Variants in ADAM17 observed in about 807,000 individuals in gnomAD.
ADAM17 encodes ADAM metallopeptidase domain 17.
A neutral mutation model predicts 96.7 loss-of-function variants in ADAM17; 39 were observed. The ratio of observed to expected loss-of-function variants is 0.40; its 90% CI spans 0.31 to 0.53. The LOEUF is 0.53. ADAM17 is among the 20% of genes least tolerant of loss of function. ADAM17 has a pLI of 0.44. For missense variants in ADAM17, 777 were observed against 1,013.2 expected, an observed-to-expected ratio of 0.77 and a Z score of 3.17; for synonymous variants, 344 against 359.2, an observed-to-expected ratio of 0.96 and a Z score of 0.48.
chr2:9,550,541 G>A (rs1265167744), intron 1 of ADAM17, among the ~76,000 whole-genome samples: 2 of 148,512 alleles, frequency 1.3e-5, no homozygotes, highest in Non-Finnish European at 3.0e-5. Context: ...TGCCTCCCGG[G>A]TTCAAGCAAT....
chr2:9,531,490 C>T (rs1274090299), intron 4 of ADAM17, among the ~76,000 whole-genome samples: 1 of 151,828 alleles, frequency 6.6e-6, no homozygotes, highest in Non-Finnish European at 1.5e-5. Flanking sequence ...TCACCTGAGA[C>T]CAGGAGTTCA....
In ADAM17 at chr2:9,518,259, CAA is replaced by C. The variant is rs34863481; in HGVS notation, c.958-14_958-13del. On this transcript the variant is annotated splice_polypyrimidine_tract_variant and intron_variant, in intron 8 of 18. Coordinates refer to ENST00000310823, the MANE Select transcript of ADAM17 (RefSeq NM_003183.6). ...TCAAAGCTAAATTGCTTTGAAAGAC[CAA>C]AAAAAAAAAAAAAAAAAAAAGCATT... The C allele has an allele frequency of 0.062, 48,573 of 787,052 alleles. 1 individual carries two copies. The highest frequency in any genetic ancestry group is 0.12 in the East Asian group (2,052 of 17,286). 48.8% of individuals were successfully genotyped at this position (787,052 alleles called of 1,614,324 possible). A position where few individuals can be genotyped will look rare whatever the true frequency, so the allele number is the denominator to read the frequency against.
intron 10 of ADAM17, among the ~76,000 whole-genome samples, chr2:9,513,307 T>C (rs1402448772): frequency 6.6e-6 from 1 of 152,196 alleles, no homozygotes; most frequent in African/African-American, 2.4e-5. Context: ...TTGTATCCTT[T>C]AAAATATCCT....
At chr2:9,523,899 A>C (rs1179165817) in intron 6 of ADAM17, among the ~76,000 whole-genome samples, 1 of 151,294 alleles carries the variant, frequency 6.6e-6, no homozygotes, top group East Asian at 1.9e-4. Context: ...TTCAAGAGAC[A>C]AGGTCTTGCT....
chr2:9,532,611 A>ACAGGCATG (rs1363332353), intron 4 of ADAM17, among the ~76,000 whole-genome samples: 2 of 150,278 alleles, frequency 1.3e-5, no homozygotes, highest in Non-Finnish European at 3.0e-5. Context: ...AGCTGAGACC[A>ACAGGCATG]CAGGCATGTG....
At chr2:9,496,919 AG>A (rs1199660529) in intron 14 of ADAM17, among the ~76,000 whole-genome samples, 194 bp downstream of exon 14, 1 of 152,220 alleles carries the variant, frequency 6.6e-6, no homozygotes, top group African/African-American at 2.4e-5. Flanking sequence ...CCAACAGGAT[AG>A]GTCTCCCAGG....
At position 9,492,994 on chromosome 2, in the gene ADAM17, C is replaced by T. The variant is rs968011209; in HGVS notation, c.1994-8G>A. ...TGTCTGCTAAAAACTTTCCTGTGAA[C>T]AATTCCAAACAGTTAATGTCTTGAC... On this transcript the variant is annotated splice_polypyrimidine_tract_variant and splice_region_variant and intron_variant, in intron 16 of 18. Coordinates refer to ENST00000310823, the MANE Select transcript of ADAM17 (RefSeq NM_003183.6). The T allele has an allele frequency of 8.7e-6, 14 of 1,602,904 alleles. No individual in the cohort carries two copies. The highest frequency in any genetic ancestry group is 1.2e-5 in the Non-Finnish European group (14 of 1,173,424).
At chr2:9,531,265 T>C (rs1418044261) in intron 4 of ADAM17, among the ~76,000 whole-genome samples, 1 of 151,528 alleles carries the variant, frequency 6.6e-6, no homozygotes, top group Non-Finnish European at 1.5e-5. Flanking sequence ...CTGAACATTT[T>C]TAAAACTAGA....
chr2:9,514,272 C>A (rs910106067), intron 10 of ADAM17, among the ~76,000 whole-genome samples: 17 of 143,768 alleles, frequency 1.2e-4, no homozygotes, highest in African/African-American at 4.4e-4. Context: ...AAGCCAAACA[C>A]CGCATGTTCT....
At position 9,504,243 on chromosome 2, in the gene ADAM17, G is replaced by C. The variant is rs549103856; in HGVS notation, c.1544+923C>G. Among the ~76,000 whole-genome samples, 7 of 151,700 alleles carry C rather than the reference G, an allele frequency of 4.6e-5. No individual in the cohort carries two copies. The South Asian group carries it at 1.5e-3, about 32-fold the overall frequency. On this transcript the variant is annotated intron_variant, in intron 12 of 18. Coordinates refer to ENST00000310823, the MANE Select transcript of ADAM17 (RefSeq NM_003183.6). ...GGGCAGATCATGAAGTCAGGAGATC[G>C]AGACCATCCTGGCCAACATGCTAAA... is the stretch of plus-strand genomic sequence containing the variant.
Position 9,505,355 on chromosome 2 carries a change from T to G in ADAM17, c.1355A>C (p.Asn452Thr), listed in dbSNP as rs748334117. 1 of 1,613,994 alleles carries G rather than the reference T, an allele frequency of 6.2e-7. No individual in the cohort carries two copies. The highest frequency in any genetic ancestry group is 1.3e-5 in the African/African-American group (1 of 75,024). Reference protein sequence around the residue: ...GDHENNKMFSNCSKQSIYKTI... With the variant: ...GDHENNKMFSTCSKQSIYKTI... The stretch of plus-strand genomic sequence containing the variant: ...CTTATAGATTGATTGTTTACTGCAG[T>G]TTGAAAACATCTTGAGAGAAAAAAG... Residue 452 changes from asparagine (N) to threonine (T), a missense_variant, in exon 12 of 19, where the codon AAC (asparagine) becomes ACC (threonine). Asn to Thr is a moderately conservative substitution (Grantham distance 65). Coordinates refer to ENST00000310823, the MANE Select transcript of ADAM17 (RefSeq NM_003183.6).
At chr2:9,515,398 T>C (rs990074911) in intron 10 of ADAM17, among the ~76,000 whole-genome samples, 2 of 152,162 alleles carry the variant, frequency 1.3e-5, no homozygotes. Flanking sequence ...CTAAAGGATA[T>C]CTTGGTTGCT....
Position 9,488,830 on chromosome 2 carries a change from AG to A in ADAM17, c.*1346del, listed in dbSNP as rs1661817487. On this transcript the variant is annotated 3_prime_UTR_variant, in exon 19 of 19. Transcript: ENST00000310823. ...ATGGGGGGTAGGAGGAGATATGATTAGTCACAGGTTTGGTTAACTGCCCTCA... is the reference window on the plus strand; with the variant it reads ...ATGGGGGGTAGGAGGAGATATGATTATCACAGGTTTGGTTAACTGCCCTCA... 6.6e-6 allele frequency: 1 copy of A among 152,262 alleles called. No individual in the cohort carries two copies. The highest frequency in any genetic ancestry group is 2.4e-5 in the African/African-American group (1 of 41,460). The allele number at this position is 152,262 out of a possible 1,614,324, so 9.4% of individuals were successfully genotyped here. A position where few individuals can be genotyped will look rare whatever the true frequency, so the allele number is the denominator to read the frequency against.
intron 1 of ADAM17, 66 bp from the exon 2 acceptor site, chr2:9,543,351 G>T: frequency 7.5e-7 from 1 of 1,332,522 alleles, no homozygotes; most frequent in Non-Finnish European, 9.9e-7. Flanking sequence ...TCGTTAAAAT[G>T]AGAGTGCCAG....
rs374025261 is a variant in ADAM17, at chr2:9,514,625, A to G, written c.1191+3276T>C. On this transcript the variant is annotated intron_variant, in intron 10 of 18. Transcript: ENST00000310823. ...ACGGTGGCTCACGCCTGTAATTCCAACACTTTGGGAGGCCAAGGCGGGCAG... is the reference window on the plus strand; with the variant it reads ...ACGGTGGCTCACGCCTGTAATTCCAGCACTTTGGGAGGCCAAGGCGGGCAG... Among the ~76,000 whole-genome samples the G allele has an allele frequency of 2.9e-3, 426 of 146,738 alleles. 6 individuals are homozygous for G. In the South Asian group the frequency reaches 0.034, roughly 12 times the overall value.
At chr2:9,505,593 A>G (rs1278378933) in intron 11 of ADAM17, 8 of 545,518 alleles carry the variant, frequency 1.5e-5, no homozygotes, top group South Asian at 1.0e-4. Context: ...TTAAGGATCT[A>G]TAATTCTTCT....
Position 9,521,332 on chromosome 2 carries a change from T to A in ADAM17, c.844-16A>T, listed in dbSNP as rs758090421. On this transcript the variant is annotated splice_polypyrimidine_tract_variant and intron_variant, in intron 7 of 18. Coordinates refer to ENST00000310823, the MANE Select transcript of ADAM17 (RefSeq NM_003183.6). ...GAATGCGAATCTATACTTAAAGAGA[T>A]CATATACTTAGAACACTTCCAAAAT... 3.3e-6 allele frequency: 5 copies of A among 1,530,096 alleles called. No individual in the cohort carries two copies. Among genetic ancestry groups the A allele is most frequent in the Admixed American group, 1.7e-5 (1 of 59,668 alleles). The allele number at this position is 1,530,096 out of a possible 1,614,324, so 94.8% of individuals were successfully genotyped here. A position where few individuals can be genotyped will look rare whatever the true frequency, so the allele number is the denominator to read the frequency against.
chr2:9,518,900 G>C (rs967176428), intron 8 of ADAM17, among the ~76,000 whole-genome samples: 6 of 151,496 alleles, frequency 4.0e-5, no homozygotes, highest in African/African-American at 1.2e-4. Context: ...TTAATTTGGG[G>C]GGGGGGTTTG....
chr2:9,535,800 A>T, intron 4 of ADAM17, 34 bp downstream of exon 4: 1 of 1,373,276 alleles, frequency 7.3e-7, no homozygotes, highest in Non-Finnish European at 1.0e-6. Flanking sequence ...TCAGAGATAT[A>T]AGCTACTGAA....
Sources: gnomAD v4.1 joint callset for allele counts (sites outside exome capture counted in the v4.1 genomes callset) on GRCh38, gnomAD v4.1.1 for gene constraint, MANE v1.5 for transcripts, NCBI Gene and HGNC (gene_info 2026-07-23, HGNC 2026-07-21) for gene names.